Variants in H3-3A observed in about 807,000 individuals in gnomAD.
The protein encoded by H3-3A is H3.3 histone A, also known as histone H3.3.
For missense variants in H3-3A, 7 were observed against 184.0 expected (o/e 0.04, Z 5.57); for synonymous variants, 49 against 61.4 (o/e 0.80, Z 0.95).
At chr1:226,065,352 G>A (rs1434412230) in intron 2 of H3-3A, among the ~76,000 whole-genome samples, 1 of 152,034 alleles carries the variant, frequency 6.6e-6, no homozygotes, top group African/African-American at 2.4e-5. Context: ...TTCTTCATTA[G>A]CCTGACAGCT....
chr1:226,070,905 A>G (rs966035660), intron 3 of H3-3A, among the ~76,000 whole-genome samples: 1 of 152,252 alleles, frequency 6.6e-6, no homozygotes, highest in Non-Finnish European at 1.5e-5. Context: ...ACCATGTTAT[A>G]CTACTGGACA....
upstream of H3-3A, chr1:226,062,587 G>A (rs955846172): frequency 2.7e-5 from 4 of 149,470 alleles, no homozygotes; most frequent in African/African-American, 9.8e-5. Context: ...GCGGGGGGAA[G>A]GGCGGGGGCG....
intron 2 of H3-3A, 54 bp from the exon 3 acceptor site, chr1:226,065,602 C>G (rs576675629): frequency 1.5e-6 from 2 of 1,354,130 alleles, no homozygotes; most frequent in South Asian, 1.5e-5. Flanking sequence ...TGCCCACTTA[C>G]CTTTTTGTGC....
chr1:226,068,077 CT>C (rs1657984453), intron 3 of H3-3A, among the ~76,000 whole-genome samples: 1 of 152,158 alleles, frequency 6.6e-6, no homozygotes, highest in African/African-American at 2.4e-5. Context: ...TAAACTAATA[CT>C]TTCTTGTAGT....
intron 3 of H3-3A, among the ~76,000 whole-genome samples, chr1:226,068,844 G>A (rs1213023561): frequency 6.6e-6 from 1 of 152,288 alleles, no homozygotes; most frequent in Non-Finnish European, 1.5e-5. Flanking sequence ...TGCCTGCACT[G>A]GCAACAGGAG....
At chr1:226,062,439 T>A (rs1411538451), upstream of H3-3A, among the ~76,000 whole-genome samples, 2 of 149,036 alleles carry the variant, frequency 1.3e-5, no homozygotes, top group African/African-American at 2.5e-5. Context: ...GCTGGCCGGG[T>A]GCGGGCGGCA....
In H3-3A at chr1:226,065,646, T is replaced by C. The variant is rs779316088; in HGVS notation, c.129-10T>C. The C allele has an allele frequency of 2.0e-6, 3 of 1,526,822 alleles. No homozygotes were observed. The highest frequency in any genetic ancestry group is 4.6e-5 in the East Asian group (2 of 43,936). 94.6% of individuals were successfully genotyped at this position (1,526,822 alleles called of 1,614,324 possible). A position where few individuals can be genotyped will look rare whatever the true frequency, so the allele number is the denominator to read the frequency against. ...TTTTTGGTAACAGTTTCTTTATTAA[T>C]TTTTTAAAGGCCTGGTACTGTGGCG... On this transcript the variant is annotated splice_polypyrimidine_tract_variant and intron_variant, in intron 2 of 3. Transcript: ENST00000366815.
chr1:226,068,815 G>A (rs1045630110), intron 3 of H3-3A, among the ~76,000 whole-genome samples: 4 of 152,178 alleles, frequency 2.6e-5, no homozygotes, highest in African/African-American at 9.7e-5. Flanking sequence ...TGAGTGCCAA[G>A]GAACTAGGAG....
chr1:226,067,031 C>T (rs1281733362), intron 3 of H3-3A: 2 of 151,964 alleles, frequency 1.3e-5, no homozygotes, highest in East Asian at 1.9e-4. Flanking sequence ...TTTTAATAGC[C>T]GATTATCTTC....
intron 3 of H3-3A, among the ~76,000 whole-genome samples, chr1:226,067,702 A>G (rs1042650814): frequency 6.6e-6 from 1 of 151,558 alleles, no homozygotes; most frequent in African/African-American, 2.4e-5. Context: ...AGATGGCGCC[A>G]TTGCACTCCA....
At chr1:226,068,168 G>A (rs1034068311) in intron 3 of H3-3A, among the ~76,000 whole-genome samples, 2 of 152,122 alleles carry the variant, frequency 1.3e-5, no homozygotes, top group African/African-American at 4.8e-5. Flanking sequence ...TCCCATTACA[G>A]CCTTAATGTT....
intron 3 of H3-3A, among the ~76,000 whole-genome samples, chr1:226,070,332 C>T (rs890550843): frequency 1.3e-5 from 2 of 151,526 alleles, no homozygotes; most frequent in Admixed American, 6.6e-5. Context: ...ATTAGTCAGG[C>T]GTGGTGGTGG....
chr1:226,062,003 G>C (rs1340127548), upstream of H3-3A: 1 of 152,190 alleles, frequency 6.6e-6, no homozygotes, highest in Non-Finnish European at 1.5e-5. Context: ...CGGCGGACTC[G>C]GGCCGGTCCC....
At chr1:226,070,049 C>G (rs940160136) in intron 3 of H3-3A, among the ~76,000 whole-genome samples, 17 of 152,128 alleles carry the variant, frequency 1.1e-4, no homozygotes, top group African/African-American at 4.1e-4. Flanking sequence ...AAGGATCTTA[C>G]AGTCAAATGG....
At chr1:226,069,211 T>A (rs1195878089) in intron 3 of H3-3A, among the ~76,000 whole-genome samples, 1 of 152,110 alleles carries the variant, frequency 6.6e-6, no homozygotes, top group Non-Finnish European at 1.5e-5. Flanking sequence ...CACGCCCAGC[T>A]ACTTTTTGTA....
At chr1:226,069,696 T>G (rs1357856406) in intron 3 of H3-3A, among the ~76,000 whole-genome samples, 1 of 152,098 alleles carries the variant, frequency 6.6e-6, no homozygotes, top group Admixed American at 6.6e-5. Context: ...CTGGACGTGA[T>G]GGTGCATGCC....
intron 2 of H3-3A, among the ~76,000 whole-genome samples, chr1:226,064,728 A>G (rs1286231687): frequency 6.6e-6 from 1 of 152,230 alleles, no homozygotes; most frequent in Non-Finnish European, 1.5e-5. Flanking sequence ...GACCTCGTAT[A>G]TCACTGATAA....
rs1416569447 is a variant in H3-3A at position 226,071,530 on chromosome 1, T to C, written c.*51T>C. 1 of 873,220 alleles carries C rather than the reference T, an allele frequency of 1.1e-6. No individual in the cohort carries two copies. The highest frequency in any genetic ancestry group is 1.7e-6 in the Non-Finnish European group (1 of 582,880). 54.1% of individuals were successfully genotyped at this position (873,220 alleles called of 1,614,324 possible). On this transcript the variant is annotated 3_prime_UTR_variant, in exon 4 of 4. Coordinates refer to ENST00000366815, the MANE Select transcript of H3-3A (RefSeq NM_002107.7). ...CATTCTCAAAAAAAAAAAAAAAAAT[T>C]TCTCTTCTTCCTGTTATTGGTAGTT...
In H3-3A at chr1:226,062,737, G is replaced by C. The variant is rs911466717; in HGVS notation, c.-98G>C. On this transcript the variant is annotated 5_prime_UTR_variant, in exon 1 of 4. Coordinates refer to ENST00000366815, the MANE Select transcript of H3-3A (RefSeq NM_002107.7). ...CCATCTTTCAATTGTGTTCGCAGCC[G>C]CCGCCGCGCCGCCGTCGCTCTCCAA... is the stretch of plus-strand genomic sequence containing the variant. 1 of 165,328 alleles carries C rather than the reference G, an allele frequency of 6.0e-6. No individual in the cohort carries two copies. The highest frequency in any genetic ancestry group is 1.4e-5 in the Non-Finnish European group (1 of 73,654). The allele number at this position is 165,328 out of a possible 1,614,324, so 10.2% of individuals were successfully genotyped here.
Sources: gnomAD v4.1 joint callset for allele counts (sites outside exome capture counted in the v4.1 genomes callset) on GRCh38, gnomAD v4.1.1 for gene constraint, MANE v1.5 for transcripts, NCBI Gene and HGNC (gene_info 2026-07-23, HGNC 2026-07-21) for gene names.